SSUH2: variants seen among roughly 807,000 people sequenced by gnomAD.
SSUH2 encodes the protein protein SSUH2 homolog.
SSUH2 carries 47 observed loss-of-function variants against 55.3 expected under a neutral mutation model. The ratio of observed to expected loss-of-function variants is 0.85; its 90% CI spans 0.67 to 1.08. The LOEUF is 1.08. SSUH2 is among the 50% of genes least tolerant of loss of function. SSUH2 has a pLI of 0.00. For missense variants in SSUH2, 535 were observed against 490.7 expected, an observed-to-expected ratio of 1.09 and a Z score of -0.85; for synonymous variants, 212 against 191.5, an observed-to-expected ratio of 1.11 and a Z score of -0.89.
chr3:8,619,943 G>A lies in SSUH2; in HGVS notation c.1053C>T (p.Tyr351=), dbSNP rs749983024. The A allele has an allele frequency of 1.1e-5, 17 of 1,614,166 alleles. No homozygotes were observed. The highest frequency in any genetic ancestry group is 3.3e-5 in the South Asian group (3 of 91,078). The change falls in exon 12 of 12, where the codon TAC becomes TAT. Residue 351 remains tyrosine (Y), a synonymous_variant. Coordinates refer to ENST00000544814, the MANE Select transcript of SSUH2 (RefSeq NM_001256748.3). ...ACACCTGGTGGTCAGTGCCATAGAT[G>A]TAGTAGACATAAGTCTTTCCTTGGT... ...YWYQGKTYVY[Y]IYGTDHQVYA...
intron 2 of SSUH2, 28 bp from the exon 3 acceptor site, chr3:8,635,409 A>C: frequency 6.7e-7 from 1 of 1,485,848 alleles, no homozygotes; most frequent in Non-Finnish European, 9.1e-7. Flanking sequence ...CAGGGGCTGG[A>C]CAGCCCAGGC....
intron 7 of SSUH2, among the ~76,000 whole-genome samples, chr3:8,653,774 T>C (rs1427113265): frequency 6.6e-6 from 1 of 152,230 alleles, no homozygotes; most frequent in African/African-American, 2.4e-5. Flanking sequence ...AAAACACAAC[T>C]GGATGCATTT....
rs535337675 is a variant in SSUH2, at chr3:8,660,488, A to G, written c.-395-1475T>C. On this transcript the variant is annotated intron_variant, in intron 6 of 18. Coordinates refer to the SSUH2 transcript ENST00000317371. ...TAGCAATCTCACTTCAAGAACAGTTATAAGATAACACTGTTTGAGAAGCCA... is the reference window on the plus strand; with the variant it reads ...TAGCAATCTCACTTCAAGAACAGTTGTAAGATAACACTGTTTGAGAAGCCA... Among the ~76,000 whole-genome samples, 9 of 152,362 alleles carry G rather than the reference A, an allele frequency of 5.9e-5. No homozygotes were observed. The South Asian group carries it at 1.7e-3, about 28-fold the overall frequency.
chr3:8,627,489 A>G, intron 8 of SSUH2: 1 of 413,294 alleles, frequency 2.4e-6, no homozygotes, highest in Non-Finnish European at 4.4e-6. Context: ...CATATATTGC[A>G]TGACGAGTTC....
At chr3:8,628,994 T>A (rs1474289046) in intron 7 of SSUH2, among the ~76,000 whole-genome samples, 4 of 152,222 alleles carry the variant, frequency 2.6e-5, no homozygotes, top group African/African-American at 9.6e-5. Flanking sequence ...TAGCTGGGAC[T>A]ACAGGCGCCC....
At chr3:8,663,162 T>C (rs1305887237) in intron 6 of SSUH2, among the ~76,000 whole-genome samples, 1 of 152,224 alleles carries the variant, frequency 6.6e-6, no homozygotes, top group Non-Finnish European at 1.5e-5. Context: ...GGACAGCTAT[T>C]ATCATTATTA....
chr3:8,668,964 A>G (rs115960737), intron 5 of SSUH2, among the ~76,000 whole-genome samples: 3,487 of 151,694 alleles, frequency 0.023, 128 homozygotes, highest in African/African-American at 0.08. Flanking sequence ...GAGGGAGGGA[A>G]GGAAAGGGAG....
intron 8 of SSUH2, 148 bp from the exon 9 acceptor site, chr3:8,626,469 C>G: frequency 1.6e-6 from 1 of 623,370 alleles, no homozygotes; most frequent in Non-Finnish European, 2.9e-6. Context: ...CCTCCTTCTG[C>G]TGGCAGTGCC....
intron 3 of SSUH2, among the ~76,000 whole-genome samples, chr3:8,674,534 C>A (rs1488284855): frequency 6.6e-6 from 1 of 152,118 alleles, no homozygotes; most frequent in Non-Finnish European, 1.5e-5. Context: ...CCCCGGTCAC[C>A]CCCTTATCCA....
intron 10 of SSUH2, among the ~76,000 whole-genome samples, chr3:8,625,028 A>G (rs2125103749): frequency 6.6e-6 from 1 of 151,658 alleles, no homozygotes; most frequent in South Asian, 2.1e-4. Flanking sequence ...CCTGCCCCTT[A>G]CCCTGCTTGA....
chr3:8,640,119 A>C, intron 1 of SSUH2: 2 of 524,710 alleles, frequency 3.8e-6, no homozygotes, highest in Non-Finnish European at 2.4e-6. Flanking sequence ...AGAATTTCAG[A>C]TTTACAAGGT....
At chr3:8,677,699 G>T (rs978664806) in intron 2 of SSUH2, among the ~76,000 whole-genome samples, 11 of 150,734 alleles carry the variant, frequency 7.3e-5, no homozygotes, top group Non-Finnish European at 1.2e-4. Flanking sequence ...CTAAAGGATT[G>T]CCCCCCTGTT....
intron 3 of SSUH2, chr3:8,634,040 G>A: frequency 8.0e-7 from 1 of 1,248,036 alleles, no homozygotes; most frequent in Non-Finnish European, 1.1e-6. Context: ...TGGAGCTTAG[G>A]AGAAAAGCTG....
At chr3:8,654,060 T>C (rs1702700742) in intron 7 of SSUH2, among the ~76,000 whole-genome samples, 1 of 152,212 alleles carries the variant, frequency 6.6e-6, no homozygotes, top group Non-Finnish European at 1.5e-5. Flanking sequence ...ATGTATTTTC[T>C]CACCATTTGG....
At chr3:8,675,950 C>G (rs1705205505) in intron 3 of SSUH2, among the ~76,000 whole-genome samples, 1 of 152,146 alleles carries the variant, frequency 6.6e-6, no homozygotes, top group Non-Finnish European at 1.5e-5. Flanking sequence ...CCTCTCTAAA[C>G]AACTAGACGG....
At position 8,632,101 on chromosome 3, in the gene SSUH2, C is replaced by T. The variant is rs752856479; in HGVS notation, c.348G>A (p.Leu116=). The part of the protein sequence containing the change: ...LKRQTLCRYR[L]ETFSESRISE... ...TTATCCTGGATTCACTAAAGGTCTC[C>T]AGACGGTACTAAAAGGAAAAAAACA... The change falls in exon 5 of 12, where the codon CTG becomes CTA. Residue 116 remains leucine, a synonymous_variant. Transcript: ENST00000544814. 4 of 1,613,952 alleles carry T rather than the reference C, an allele frequency of 2.5e-6. No homozygotes were observed. The highest frequency in any genetic ancestry group is 3.4e-6 in the Non-Finnish European group (4 of 1,179,884).
At chr3:8,651,277 G>C (rs763354672) in intron 7 of SSUH2, among the ~76,000 whole-genome samples, 1 of 152,202 alleles carries the variant, frequency 6.6e-6, no homozygotes, top group South Asian at 2.1e-4. Flanking sequence ...CCAGCCCATT[G>C]CATCTCTCGG....
At chr3:8,637,397 G>A (rs992354296) in intron 1 of SSUH2, among the ~76,000 whole-genome samples, 4 of 152,192 alleles carry the variant, frequency 2.6e-5, no homozygotes, top group African/African-American at 9.7e-5. Context: ...CATAATATAA[G>A]AACTGGCCCC....
chr3:8,672,900 G>C (rs1704761188), intron 3 of SSUH2, among the ~76,000 whole-genome samples: 1 of 152,036 alleles, frequency 6.6e-6, no homozygotes, highest in East Asian at 1.9e-4. Context: ...CACTGGGTGG[G>C]TGTACACCTG....
Sources: allele counts gnomAD v4.1 joint callset (sites outside exome capture counted in the v4.1 genomes callset), GRCh38; gene constraint gnomAD v4.1.1; transcripts MANE v1.5; gene names NCBI Gene and HGNC (gene_info 2026-07-23, HGNC 2026-07-21).